MED16: variants seen among roughly 807,000 people sequenced by gnomAD.
MED16 encodes mediator of RNA polymerase II transcription subunit 16.
A neutral mutation model predicts 84.4 loss-of-function variants in MED16; 81 were observed. The observed-to-expected ratio is 0.96, with a 90% CI of 0.80 to 1.15. The LOEUF (loss-of-function observed/expected upper bound fraction) is 1.15, where lower values mean the gene tolerates loss of function less well. Among genes scored for constraint, MED16 ranks in the 50% most tolerant of loss-of-function variants. The pLI, the probability that MED16 is intolerant of heterozygous loss-of-function variation, is 0.00. For missense variants in MED16, 1,585 were observed against 1,245.9 expected (o/e 1.27, Z -4.10); for synonymous variants, 897 against 552.2 (o/e 1.62, Z -8.76).
rs77249256 is a variant in MED16, at chr19:875,228, G to A, written c.1771+16C>T. The stretch of plus-strand genomic sequence containing the variant: ...TGAAAGAAACCTCGAGGCCCCGGGC[G>A]TGGAAAAGGACCCACCGACGTCGGT... On this transcript the variant is annotated intron_variant, in intron 10 of 15. Coordinates refer to ENST00000325464, the MANE Select transcript of MED16 (RefSeq NM_005481.3). 2,839 of 1,559,168 alleles carry A rather than the reference G, an allele frequency of 1.8e-3. 91 individuals carry two copies. The East Asian group carries it at 0.057, about 31-fold the overall frequency.
At chr19:888,781 C>A (rs537472612) in intron 4 of MED16, among the ~76,000 whole-genome samples, 1 of 152,186 alleles carries the variant, frequency 6.6e-6, no homozygotes, top group African/African-American at 2.4e-5. Context: ...TGCGGCAATG[C>A]GCCGACAATG....
At chr19:873,667 A>C (rs2036156796) in intron 10 of MED16, 85 bp from the exon 11 acceptor site, 2 of 1,497,878 alleles carry the variant, frequency 1.3e-6, no homozygotes, top group Non-Finnish European at 1.8e-6. Flanking sequence ...TTCGACCTGC[A>C]CTGAGTGCCC....
intron 13 of MED16, among the ~76,000 whole-genome samples, chr19:870,494 G>A (rs532051711): frequency 1.1e-4 from 17 of 151,130 alleles, no homozygotes; most frequent in Middle Eastern, 3.4e-3. Flanking sequence ...CCGAGAGGCA[G>A]ACGTTGCAGT....
At chr19:890,810 G>A (rs1431988628) in intron 2 of MED16, among the ~76,000 whole-genome samples, 153 bp downstream of exon 2, 2 of 152,230 alleles carry the variant, frequency 1.3e-5, no homozygotes, top group African/African-American at 2.4e-5. Context: ...CCCCCAGGAG[G>A]CTGAGGCTCT....
At position 868,138 on chromosome 19, in the gene MED16, C is replaced by T. The variant is rs2035958088; in HGVS notation, c.2597G>A (p.Arg866Lys). Reference protein sequence around the residue: ...QSTHHSPRTPRSLDHLHPEDR... With the variant: ...QSTHHSPRTPKSLDHLHPEDR... ...CTCTGGATGCAGATGGTCCAGGGAT[C>T]TGGGGGTCCTGGGAGAGTGGTGTGT... The change falls in exon 16 of 16, where the codon AGA becomes AAA. Residue 866 changes from arginine to lysine, a missense_variant. Arg to Lys is a conservative substitution (Grantham distance 26, BLOSUM62 2). Coordinates refer to ENST00000325464, the MANE Select transcript of MED16 (RefSeq NM_005481.3). The T allele has an allele frequency of 6.2e-7, 1 of 1,611,772 alleles. No homozygotes were observed.
intron 10 of MED16, 81 bp downstream of exon 10, chr19:875,163 C>CA (rs1002428039): frequency 1.9e-6 from 2 of 1,030,698 alleles, no homozygotes; most frequent in East Asian, 2.8e-5. Flanking sequence ...GACCCTATCT[C>CA]AAAAGAGTAA....
intron 13 of MED16, 34 bp downstream of exon 13, chr19:871,003 C>T (rs886224888): frequency 4.0e-6 from 6 of 1,517,102 alleles, no homozygotes; most frequent in African/African-American, 2.8e-5. Flanking sequence ...GGAAGGAGTC[C>T]TGTGTTTGGG....
chr19:868,244 C>T lies in MED16; in HGVS notation c.2491G>A (p.Glu831Lys). ...ACGCAGGCGTCCGGCCCACGGCCTT[C>T]AACAGCCCTGCAGGGCGGGCTGAGG... ...QRWIKNCLAV[E>K]GRGPDACVTS... Residue 831 changes from glutamate (E) to lysine (K), a missense_variant, in exon 16 of 16, where the codon GAA becomes AAA. By Grantham distance (56) the Glu-to-Lys change is moderately conservative. Coordinates refer to ENST00000325464, the MANE Select transcript of MED16 (RefSeq NM_005481.3). The T allele has an allele frequency of 6.3e-7, 1 of 1,595,604 alleles. No homozygotes were observed. Among genetic ancestry groups the T allele is most frequent in the South Asian group, 1.1e-5 (1 of 89,326 alleles).
At position 868,096 on chromosome 19, in the gene MED16, G is replaced by A. The variant is rs200186933; in HGVS notation, c.*5C>T. 4.1e-4 allele frequency: 658 copies of A among 1,600,368 alleles called. 10 individuals are homozygous for A. The East Asian group carries it at 0.013, about 31-fold the overall frequency. On this transcript the variant is annotated 3_prime_UTR_variant, in exon 16 of 16. Transcript: ENST00000325464. ...CACCACAAGGTCCGCCTGGACCCCC[G>A]GCCGTCACGGACGGTCCTCTGGATG...
At chr19:876,736 G>A (rs2036240562) in intron 9 of MED16, among the ~76,000 whole-genome samples, 2 of 152,026 alleles carry the variant, frequency 1.3e-5, no homozygotes, top group Non-Finnish European at 2.9e-5. Flanking sequence ...CCCCACATCT[G>A]CCGTGGGGAC....
intron 13 of MED16, among the ~76,000 whole-genome samples, chr19:869,190 C>T (rs894109579): frequency 6.6e-6 from 1 of 151,830 alleles, no homozygotes; most frequent in African/African-American, 2.4e-5. Flanking sequence ...GAGCTTGAGG[C>T]TTAGAGACCC....
At chr19:884,370 G>A (rs1396027263) in intron 6 of MED16, among the ~76,000 whole-genome samples, 1 of 151,934 alleles carries the variant, frequency 6.6e-6, no homozygotes, top group Non-Finnish European at 1.5e-5. Context: ...GGGCCCATCG[G>A]GCGGATAGAG....
chr19:891,652 G>A (rs1291265348), intron 1 of MED16, among the ~76,000 whole-genome samples: 5 of 147,394 alleles, frequency 3.4e-5, no homozygotes, highest in Non-Finnish European at 6.0e-5. Flanking sequence ...ACCTGTGGCC[G>A]AGGCGGGGGC....
chr19:884,800 GT>G (rs1370694367), intron 6 of MED16, 102 bp downstream of exon 6: 2 of 901,224 alleles, frequency 2.2e-6, no homozygotes, highest in Non-Finnish European at 3.5e-6. Context: ...TAGGGCCGGG[GT>G]TCAGGACCAC....
At chr19:875,483 G>A (rs1465475863) in intron 9 of MED16, 29 bp from the exon 10 acceptor site, 2 of 1,574,616 alleles carry the variant, frequency 1.3e-6, no homozygotes, top group African/African-American at 1.3e-5. Flanking sequence ...GTCACCCCAA[G>A]GGGCCGGAGC....
rs1411152719 is a variant in MED16 at position 877,184 on chromosome 19, C to T, written c.1354-4G>A. The T allele has an allele frequency of 4.4e-6, 7 of 1,605,234 alleles. No homozygotes were observed. The highest frequency in any genetic ancestry group is 5.9e-6 in the Non-Finnish European group (7 of 1,177,482). On this transcript the variant is annotated splice_region_variant and splice_polypyrimidine_tract_variant and intron_variant, in intron 8 of 15. Transcript: ENST00000325464. ...GTGAGAGGCGGAGCACGCTCAGCTG[C>T]CAGAGACAGAGCCCAAGGAGAGCCC...
Position 874,494 on chromosome 19 carries a change from G to C in MED16, c.1771+750C>G, listed in dbSNP as rs1283573637. Among the ~76,000 whole-genome samples the C allele has an allele frequency of 5.3e-5, 8 of 152,026 alleles. No individual in the cohort carries two copies. In the East Asian group the frequency reaches 1.5e-3, roughly 29 times the overall value. On this transcript the variant is annotated intron_variant, in intron 10 of 15. Transcript: ENST00000325464. Reference sequence around the variant, plus strand: ...CGCTTTGGGAGGCAGAGGCGAGTAGGACACCACGTGCTGGGTGAGCCTGGG... The same window carrying C: ...CGCTTTGGGAGGCAGAGGCGAGTAGCACACCACGTGCTGGGTGAGCCTGGG...
chr19:885,655 G>T, intron 5 of MED16, 115 bp downstream of exon 5: 1 of 1,267,834 alleles, frequency 7.9e-7, no homozygotes, highest in Non-Finnish European at 1.1e-6. Context: ...GACCGGCCCT[G>T]CCCACACCAC....
intron 9 of MED16, among the ~76,000 whole-genome samples, chr19:876,134 G>C (rs1414396625): frequency 6.6e-5 from 10 of 152,128 alleles, no homozygotes; most frequent in African/African-American, 2.4e-4. Context: ...GCCGTGAATG[G>C]GATTTTTTTT....
Sources: gnomAD v4.1 joint callset for allele counts (sites outside exome capture counted in the v4.1 genomes callset) on GRCh38, gnomAD v4.1.1 for gene constraint, MANE v1.5 for transcripts, NCBI Gene and HGNC (gene_info 2026-07-23, HGNC 2026-07-21) for gene names.